ARL8B: variants seen among roughly 807,000 people sequenced by gnomAD.
ARL8B encodes ADP-ribosylation factor-like protein 8B.
A neutral mutation model predicts 30.6 loss-of-function variants in ARL8B; 9 were observed. The ratio of observed to expected loss-of-function variants is 0.29; its 90% CI spans 0.18 to 0.51. The LOEUF is 0.51. Ranked by LOEUF, ARL8B falls within the 20% of genes least tolerant of loss-of-function variation. The probability of loss-of-function intolerance (pLI) is 0.97; values close to 1 mark genes in which losing one functional copy is unlikely to be tolerated. For synonymous variants in ARL8B, 74 were observed against 76.0 expected (o/e 0.97, Z 0.14); for missense variants, 130 against 227.2 (o/e 0.57, Z 2.75).
Position 5,170,567 on chromosome 3 carries a change from G to A in ARL8B, c.188G>A (p.Gly63Asp). The change falls in exon 2 of 7, where the codon GGT becomes GAT. Residue 63 changes from glycine to aspartate, a missense_variant. Coordinates refer to ENST00000256496, the MANE Select transcript of ARL8B (RefSeq NM_018184.3). ...VGFNMRKVTK[G>D]NVTIKIWDIG... ...TTCAACATGAGGAAGGTAACTAAAG[G>A]TAACGTCACAATAAAGGTAAGTTAT... The A allele has an allele frequency of 6.2e-7, 1 of 1,611,632 alleles. No individual in the cohort carries two copies. The highest frequency in any genetic ancestry group is 8.5e-7 in the Non-Finnish European group (1 of 1,178,160).
intron 1 of ARL8B, among the ~76,000 whole-genome samples, chr3:5,137,942 T>C (rs2054342163): frequency 6.6e-6 from 1 of 152,032 alleles, no homozygotes; most frequent in Admixed American, 6.6e-5. Flanking sequence ...TCACTATTAT[T>C]ATATTTTAAT....
intron 6 of ARL8B, among the ~76,000 whole-genome samples, chr3:5,178,307 G>A (rs1169185536): frequency 3.6e-5 from 5 of 139,324 alleles, no homozygotes; most frequent in Admixed American, 2.2e-4. Flanking sequence ...TCTTTTCTGT[G>A]TATTATACTT....
intron 1 of ARL8B, among the ~76,000 whole-genome samples, chr3:5,142,146 G>A (rs1263593721): frequency 6.6e-6 from 1 of 152,148 alleles, no homozygotes; most frequent in Non-Finnish European, 1.5e-5. Flanking sequence ...CCAGTTGGAT[G>A]GTAACAAGTT....
intron 1 of ARL8B, among the ~76,000 whole-genome samples, chr3:5,143,337 GTTAC>G (rs1052406206): frequency 2.0e-5 from 3 of 152,096 alleles, no homozygotes; most frequent in Non-Finnish European, 4.4e-5. Context: ...AACTTTAAGG[GTTAC>G]TTAAAGTTAA....
intron 6 of ARL8B, 140 bp from the exon 7 acceptor site, chr3:5,178,524 G>A: frequency 1.5e-6 from 1 of 668,268 alleles, no homozygotes; most frequent in Middle Eastern, 2.8e-4. Flanking sequence ...TCGGGTAATG[G>A]AGTATGGTAA....
rs35897178 is a variant in ARL8B at position 5,124,256 on chromosome 3, A to ATT, written c.123+1695_123+1696dup. On this transcript the variant is annotated intron_variant, in intron 1 of 6. Transcript: ENST00000256496. ...GTGGAATGTGTATCTAATACCACTA[A>ATT]TTTTTTTTTTTTTTTTTTTTTTTTT... Among the ~76,000 whole-genome samples, 131 of 105,682 alleles carry ATT rather than the reference A, an allele frequency of 1.2e-3. 6 individuals are homozygous for ATT. The highest frequency in any genetic ancestry group is 2.3e-3 in the African/African-American group (62 of 27,026). The allele number at this position is 105,682 out of a possible 152,430, so 69.3% of individuals were successfully genotyped here.
intron 1 of ARL8B, among the ~76,000 whole-genome samples, chr3:5,148,735 C>T (rs1025401016): frequency 3.9e-5 from 6 of 152,044 alleles, no homozygotes; most frequent in African/African-American, 1.4e-4. Context: ...CAAACTTAGG[C>T]CAAAAAAGAT....
chr3:5,177,800 C>G (rs995020696), intron 6 of ARL8B, among the ~76,000 whole-genome samples: 3 of 152,180 alleles, frequency 2.0e-5, no homozygotes, highest in African/African-American at 7.2e-5. Context: ...TTCAGATTTA[C>G]CTTTCTCCCA....
At chr3:5,169,305 T>TTGTGTG (rs10575722) in intron 1 of ARL8B, among the ~76,000 whole-genome samples, 297 of 142,972 alleles carry the variant, frequency 2.1e-3, no homozygotes, top group East Asian at 0.011. Flanking sequence ...AATACAGTGT[T>TTGTGTG]TGTGTGTGTG....
chr3:5,156,711 C>T (rs984850683), intron 1 of ARL8B, among the ~76,000 whole-genome samples: 5 of 152,158 alleles, frequency 3.3e-5, no homozygotes, highest in South Asian at 2.1e-4. Context: ...CCACCATGCC[C>T]GGCCTCAAAT....
chr3:5,155,048 T>G (rs573962059), intron 1 of ARL8B, among the ~76,000 whole-genome samples: 1 of 152,358 alleles, frequency 6.6e-6, no homozygotes, highest in African/African-American at 2.4e-5. Context: ...GTTACTATCC[T>G]TTCATTTCAA....
At chr3:5,124,307 A>ATGT (rs2054210585) in intron 1 of ARL8B, among the ~76,000 whole-genome samples, 2 of 110,792 alleles carry the variant, frequency 1.8e-5, no homozygotes, top group Non-Finnish European at 1.7e-5. Flanking sequence ...AGATCTTCCT[A>ATGT]TGTTGCCAGG....
intron 1 of ARL8B, among the ~76,000 whole-genome samples, chr3:5,136,888 CTT>C (rs1183520492): frequency 6.6e-6 from 1 of 152,184 alleles, no homozygotes; most frequent in African/African-American, 2.4e-5. Flanking sequence ...GTCTGTAAAA[CTT>C]TGCCCTAACT....
chr3:5,165,816 G>C (rs559924217), intron 1 of ARL8B, among the ~76,000 whole-genome samples: 1 of 152,232 alleles, frequency 6.6e-6, no homozygotes, highest in East Asian at 1.9e-4. Flanking sequence ...CTTGCTTTCT[G>C]CATGTCTTCA....
At chr3:5,149,787 C>G (rs977057068) in intron 1 of ARL8B, among the ~76,000 whole-genome samples, 1 of 152,160 alleles carries the variant, frequency 6.6e-6, no homozygotes, top group African/African-American at 2.4e-5. Flanking sequence ...TTTATTATGA[C>G]TTGAAAATGG....
At chr3:5,124,283 T>TTTC (rs1295490659) in intron 1 of ARL8B, among the ~76,000 whole-genome samples, 2 of 120,836 alleles carry the variant, frequency 1.7e-5, no homozygotes, top group African/African-American at 6.7e-5. Context: ...TTTTTTTTTT[T>TTTC]TCTGGTAGAG....
chr3:5,155,263 G>C (rs910099812), intron 1 of ARL8B, among the ~76,000 whole-genome samples: 1 of 152,184 alleles, frequency 6.6e-6, no homozygotes, highest in Non-Finnish European at 1.5e-5. Flanking sequence ...TGAAGTTTCT[G>C]ATAAATCTGC....
At chr3:5,156,212 T>C (rs1304396809) in intron 1 of ARL8B, among the ~76,000 whole-genome samples, 1 of 151,920 alleles carries the variant, frequency 6.6e-6, no homozygotes, top group Non-Finnish European at 1.5e-5. Flanking sequence ...CTAAGATAAT[T>C]GTTTACTGGT....
chr3:5,139,758 C>T (rs1343793276), intron 1 of ARL8B, among the ~76,000 whole-genome samples: 4 of 152,180 alleles, frequency 2.6e-5, no homozygotes, highest in Non-Finnish European at 5.9e-5. Flanking sequence ...TCCTATGTAA[C>T]TTCCCTTAGA....
Sources: allele counts gnomAD v4.1 joint callset (sites outside exome capture counted in the v4.1 genomes callset), GRCh38; gene constraint gnomAD v4.1.1; transcripts MANE v1.5; gene names NCBI Gene and HGNC (gene_info 2026-07-23, HGNC 2026-07-21).